ZBTB4: variants seen among roughly 807,000 people sequenced by gnomAD.
ZBTB4 encodes zinc finger and BTB domain containing 4.
ZBTB4 carries 14 observed loss-of-function variants against 59.8 expected under a neutral mutation model. That is an observed-to-expected ratio of 0.23 (90% CI 0.15 to 0.37). The LOEUF is 0.37. ZBTB4 is among the 10% of genes least tolerant of loss of function. The probability of loss-of-function intolerance (pLI) is 1.00; values close to 1 mark genes in which losing one functional copy is unlikely to be tolerated. For synonymous variants in ZBTB4, 587 were observed against 575.2 expected (o/e 1.02, Z -0.29); for missense variants, 1,198 against 1,380.8 (o/e 0.87, Z 2.10).
intron 1 of ZBTB4, among the ~76,000 whole-genome samples, chr17:7,474,304 C>G (rs142139834): frequency 1.3e-5 from 2 of 150,196 alleles, no homozygotes; most frequent in Admixed American, 1.3e-4. Context: ...CAGCCTTGAC[C>G]TCCCCTAGGC....
upstream of ZBTB4, among the ~76,000 whole-genome samples, chr17:7,481,045 G>A (rs1215978893): frequency 6.6e-6 from 1 of 152,088 alleles, no homozygotes; most frequent in Non-Finnish European, 1.5e-5. Context: ...TGTAATCCCA[G>A]GTACTTGGGA....
intron 3 of ZBTB4, among the ~76,000 whole-genome samples, chr17:7,464,183 G>A (rs529036815): frequency 3.4e-4 from 52 of 152,298 alleles, no homozygotes; most frequent in Non-Finnish European, 4.1e-4. Flanking sequence ...GGGACACCAC[G>A]TGGAAACACA....
At chr17:7,473,213 C>T (rs1266935591) in intron 1 of ZBTB4, among the ~76,000 whole-genome samples, 10 of 150,042 alleles carry the variant, frequency 6.7e-5, no homozygotes, top group Admixed American at 5.3e-4. Flanking sequence ...CCCGGGTTCA[C>T]GCCATTCTCC....
chr17:7,466,631 C>G lies in ZBTB4; in HGVS notation c.171G>C (p.Glu57Asp). 1 of 1,613,870 alleles carries G rather than the reference C, an allele frequency of 6.2e-7. No homozygotes were observed. The highest frequency in any genetic ancestry group is 1.1e-5 in the South Asian group (1 of 90,988). ...VLAASSPFFR[E>D]ALLTSAPLPL... ...GTAGTGGGGCTGAAGTGAGCAGGGC[C>G]TCTCTGAAGAAGGGACTTGAAGCAG... is the stretch of plus-strand genomic sequence containing the variant. The change falls in exon 3 of 4, where the codon GAG becomes GAC. Residue 57 changes from glutamate to aspartate, a missense_variant. Physicochemically the swap from Glu to Asp is conservative, Grantham distance 45. This residue lies in a region of ZBTB4 where 44 missense variants were observed against 86.2 expected (regional missense o/e 0.51). Transcript: ENST00000380599. This position sits in a 1 kb window ranked among gnomAD's most constrained non-coding sequence, Gnocchi z 9.1.
rs951342593 is a variant in ZBTB4, at chr17:7,461,472, G to C, written c.*468C>G. The C allele has an allele frequency of 1.3e-5, 2 of 154,108 alleles. No individual in the cohort carries two copies. Among genetic ancestry groups the C allele is most frequent in the Admixed American group, 1.3e-4 (2 of 15,392 alleles). 9.5% of individuals were successfully genotyped at this position (154,108 alleles called of 1,614,324 possible). On this transcript the variant is annotated 3_prime_UTR_variant, in exon 4 of 4. Transcript: ENST00000380599. ...TCAGGTATCACAATGGTCTGGTCCA[G>C]GCCCTGGGCCACAAAGAATGGAATG...
At chr17:7,468,985 G>A (rs939021132) in intron 1 of ZBTB4, among the ~76,000 whole-genome samples, 6 of 152,138 alleles carry the variant, frequency 3.9e-5, no homozygotes, top group South Asian at 2.1e-4. Context: ...CAGGTAGGTC[G>A]TAGGTCAGGC....
Position 7,462,706 on chromosome 17 carries a change from C to T in ZBTB4, c.2276G>A (p.Arg759Gln), listed in dbSNP as rs751430243. 8 of 1,604,402 alleles carry T rather than the reference C, an allele frequency of 5.0e-6. No homozygotes were observed. Among genetic ancestry groups the T allele is most frequent in the Admixed American group, 1.7e-5 (1 of 59,962 alleles). ...GGGSHSSRAG[R>Q]RPSTRFTCPH... is the part of the protein sequence containing the mutation. Reference sequence around the variant, plus strand: ...GCAGGTAAAGCGGGTGGAGGGCCTCCGTCCGGCCCGGGAGCTGTGGGAGCC... The same window carrying T: ...GCAGGTAAAGCGGGTGGAGGGCCTCTGTCCGGCCCGGGAGCTGTGGGAGCC... Residue 759 changes from arginine to glutamine, a missense_variant, in exon 4 of 4, where the codon CGG (arginine) becomes CAG (glutamine). Arg to Gln is a conservative substitution (Grantham distance 43, BLOSUM62 1). Coordinates refer to ENST00000380599, the MANE Select transcript of ZBTB4 (RefSeq NM_001128833.2). The surrounding 1 kb of genome is among the most constrained non-coding windows in gnomAD (Gnocchi z 7.5).
In ZBTB4 at chr17:7,462,627, C is replaced by T. The variant is rs554070283; in HGVS notation, c.2355G>A (p.Gln785=). The T allele has an allele frequency of 3.1e-6, 5 of 1,608,574 alleles. No individual in the cohort carries two copies. The highest frequency in any genetic ancestry group is 4.2e-6 in the Non-Finnish European group (5 of 1,177,756). ...KTAAALSRHG[Q]RHAAERPGGT... ...CCCCGGGCCGCTCAGCAGCATGCCT[C>T]TGCCCGTGGCGGCTCAGGGCAGCTG... is the stretch of plus-strand genomic sequence containing the variant. The change falls in exon 4 of 4, where the codon CAG becomes CAA. Residue 785 remains glutamine (Q), a synonymous_variant. Transcript: ENST00000380599. This position sits in a 1 kb window ranked among gnomAD's most constrained non-coding sequence, Gnocchi z 7.5.
Position 7,459,750 on chromosome 17 carries a change from G to A in ZBTB4, c.*2190C>T, listed in dbSNP as rs533486632. 1.3e-5 allele frequency: 2 copies of A among 152,520 alleles called. No homozygotes were observed. Among genetic ancestry groups the A allele is most frequent in the African/African-American group, 4.8e-5 (2 of 41,454 alleles). 9.4% of individuals were successfully genotyped at this position (152,520 alleles called of 1,614,324 possible). Reference sequence around the variant, plus strand: ...TGCCCAGAACCACCACATTCTGGAAGCTATTTTCCTTGATCATATTTAAGA... The same window carrying A: ...TGCCCAGAACCACCACATTCTGGAAACTATTTTCCTTGATCATATTTAAGA... On this transcript the variant is annotated 3_prime_UTR_variant, in exon 4 of 4. Coordinates refer to ENST00000380599, the MANE Select transcript of ZBTB4 (RefSeq NM_001128833.2).
chr17:7,472,168 T>C (rs1445300775), intron 1 of ZBTB4, among the ~76,000 whole-genome samples: 4 of 152,026 alleles, frequency 2.6e-5, no homozygotes, highest in Non-Finnish European at 4.4e-5. Context: ...TACTTTATTT[T>C]GCTCCTTGGC....
rs1379972130 is a variant in ZBTB4, at chr17:7,463,069, T to C, written c.1913A>G (p.Glu638Gly). ...CTCTTCGTCCTCCTCCTCTTCGTCC[T>C]CCTCACTCTCCTCCATCTCCTCTCC... ...LSGEEMEESE[E>G]DEEEEDEEEE... The change falls in exon 4 of 4, where the codon GAG becomes GGG. Residue 638 changes from glutamate (E) to glycine (G), a missense_variant. Glu to Gly is a moderately conservative substitution (Grantham distance 98). This residue lies in a region of ZBTB4 where 550 missense variants were observed against 541.8 expected (regional missense o/e 1.02). Coordinates refer to ENST00000380599, the MANE Select transcript of ZBTB4 (RefSeq NM_001128833.2). The C allele has an allele frequency of 6.2e-7, 1 of 1,611,144 alleles. No homozygotes were observed. Among genetic ancestry groups the C allele is most frequent in the Admixed American group, 1.7e-5 (1 of 59,788 alleles).
Position 7,459,548 on chromosome 17 carries a change from C to T in ZBTB4, c.*2392G>A, listed in dbSNP as rs1253350498. 1 of 152,272 alleles carries T rather than the reference C, an allele frequency of 6.6e-6. No homozygotes were observed. The highest frequency in any genetic ancestry group is 1.9e-4 in the East Asian group (1 of 5,206). The allele number at this position is 152,272 out of a possible 1,614,324, so 9.4% of individuals were successfully genotyped here. A position where few individuals can be genotyped will look rare whatever the true frequency, so the allele number is the denominator to read the frequency against. On this transcript the variant is annotated 3_prime_UTR_variant, in exon 4 of 4. Coordinates refer to ENST00000380599, the MANE Select transcript of ZBTB4 (RefSeq NM_001128833.2). ...AGAACCAGTGGCCTTCTCACTCTGCCACCACCCGTCTTCCCAGGGAACATG... is the reference window on the plus strand; with the variant it reads ...AGAACCAGTGGCCTTCTCACTCTGCTACCACCCGTCTTCCCAGGGAACATG...
intron 3 of ZBTB4, among the ~76,000 whole-genome samples, chr17:7,464,416 ACT>A (rs1597765722): frequency 7.7e-6 from 1 of 130,436 alleles, no homozygotes; most frequent in Non-Finnish European, 1.6e-5. Context: ...ACAGAGTGAG[ACT>A]CTGTCAAAAA....
intron 1 of ZBTB4, among the ~76,000 whole-genome samples, chr17:7,467,536 G>A (rs374597931): frequency 8.5e-5 from 13 of 152,154 alleles, no homozygotes; most frequent in African/African-American, 1.2e-4. Context: ...GGGAGGTCAC[G>A]CAGATTATTG....
intron 1 of ZBTB4, among the ~76,000 whole-genome samples, chr17:7,470,340 G>A (rs1330615785): frequency 2.6e-5 from 4 of 152,006 alleles, no homozygotes; most frequent in African/African-American, 9.7e-5. Flanking sequence ...CAAGGCTGCA[G>A]TGAGTTATGA....
At chr17:7,465,581 T>C in intron 3 of ZBTB4, 130 bp downstream of exon 3, 1 of 1,422,584 alleles carries the variant, frequency 7.0e-7, no homozygotes, top group Non-Finnish European at 9.2e-7. Context: ...ACCACAGTGC[T>C]GGGATTACTG....
chr17:7,463,342 C>T lies in ZBTB4; in HGVS notation c.1640G>A (p.Gly547Glu). ...CTCCGTGGTGGTGGCCATGGCTGGC[C>T]CTGCAGCGGTGGCTGGGCTGACTGC... ...ATAVSPATAA[G>E]PAMATTTEEA... Residue 547 changes from glycine (G) to glutamate (E), a missense_variant, in exon 4 of 4, where the codon GGG (glycine) becomes GAG (glutamate). Transcript: ENST00000380599. The T allele has an allele frequency of 6.2e-7, 1 of 1,607,438 alleles. No individual in the cohort carries two copies. Among genetic ancestry groups the T allele is most frequent in the South Asian group, 1.1e-5 (1 of 89,822 alleles).
At chr17:7,482,487 G>A (rs1392866948), upstream of ZBTB4, 9 of 1,613,790 alleles carry the variant, frequency 5.6e-6, no homozygotes, top group Non-Finnish European at 6.8e-6. Flanking sequence ...AGCATCCTAG[G>A]ACTAATCATC....
chr17:7,467,584 C>T (rs1021287027), intron 1 of ZBTB4, among the ~76,000 whole-genome samples: 3 of 152,242 alleles, frequency 2.0e-5, no homozygotes, highest in Admixed American at 6.5e-5. Context: ...AGTACAGTGA[C>T]AAGATAATTT....
Sources: gnomAD v4.1 joint callset for allele counts (sites outside exome capture counted in the v4.1 genomes callset) on GRCh38, gnomAD v4.1.1 for gene constraint, gnomAD v4.1.1 regional missense constraint, Gnocchi (gnomAD v3.1) non-coding constraint, MANE v1.5 for transcripts, NCBI Gene and HGNC (gene_info 2026-07-23, HGNC 2026-07-21) for gene names.